ECSIT: variants seen among roughly 807,000 people sequenced by gnomAD.
ECSIT encodes ECSIT signaling integrator.
Under a neutral mutation model 36.8 loss-of-function variants are expected in ECSIT, and 29 were observed. That is an observed-to-expected ratio of 0.79 (90% confidence interval 0.59 to 1.08). The LOEUF is 1.08. Ranked by LOEUF, ECSIT falls within the 50% of genes least tolerant of loss-of-function variation. ECSIT has a pLI of 0.00. For missense variants in ECSIT, 542 were observed against 581.0 expected, an observed-to-expected ratio of 0.93 and a Z score of 0.69; for synonymous variants, 231 against 234.8, an observed-to-expected ratio of 0.98 and a Z score of 0.15.
chr19:11,515,689 A>G (rs1971984904), intron 2 of ECSIT, among the ~76,000 whole-genome samples: 1 of 151,906 alleles, frequency 6.6e-6, no homozygotes, highest in Non-Finnish European at 1.5e-5. Flanking sequence ...GCTGGAGTGC[A>G]GTCACACGAT....
intron 2 of ECSIT, among the ~76,000 whole-genome samples, chr19:11,514,546 G>A (rs1366876828): frequency 3.3e-5 from 5 of 150,124 alleles, no homozygotes; most frequent in South Asian, 2.1e-4. Context: ...TTTTTGAGAC[G>A]GGGTCTGGCT....
chr19:11,513,340 G>T, intron 3 of ECSIT, 61 bp from the exon 4 acceptor site: 1 of 1,389,106 alleles, frequency 7.2e-7, no homozygotes, highest in South Asian at 1.2e-5. Context: ...AAGGGAAGAG[G>T]AGAAAAGAAA....
intron 1 of ECSIT, chr19:11,523,608 G>T: frequency 1.1e-6 from 1 of 927,148 alleles, no homozygotes. Flanking sequence ...ACTGTGATAA[G>T]CCTATGTATG....
chr19:11,519,308 A>G lies in ECSIT; in HGVS notation c.-23-115T>C, dbSNP rs1972056932. 5 of 728,160 alleles carry G rather than the reference A, an allele frequency of 6.9e-6. No homozygotes were observed. Among genetic ancestry groups the G allele is most frequent in the East Asian group, 2.7e-5 (1 of 37,274 alleles). 45.1% of individuals were successfully genotyped at this position (728,160 alleles called of 1,614,324 possible). A position where few individuals can be genotyped will look rare whatever the true frequency, so the allele number is the denominator to read the frequency against. ...TTATGTGGCTCACTCACCAGCCCCA[A>G]TGTTTACCTTACCCAAGAAACAGGC... On this transcript the variant is annotated intron_variant, in intron 1 of 7. Coordinates refer to ENST00000270517, the MANE Select transcript of ECSIT (RefSeq NM_016581.5). This position sits in a 1 kb window ranked among gnomAD's most constrained non-coding sequence, Gnocchi z 4.4.
At chr19:11,514,659 C>T (rs1423269060) in intron 2 of ECSIT, among the ~76,000 whole-genome samples, 1 of 151,876 alleles carries the variant, frequency 6.6e-6, no homozygotes, top group African/African-American at 2.4e-5. Flanking sequence ...GCAGCTGGAA[C>T]TACCGGTGTA....
chr19:11,513,855 G>A lies in ECSIT; in HGVS notation c.463C>T (p.Pro155Ser), dbSNP rs752306023. The A allele has an allele frequency of 1.2e-6, 2 of 1,614,134 alleles. No individual in the cohort carries two copies. The highest frequency in any genetic ancestry group is 3.3e-5 in the Admixed American group (2 of 59,998). The change falls in exon 3 of 8, where the codon CCT becomes TCT. Residue 155 changes from proline (P) to serine (S), a missense_variant. Coordinates refer to ENST00000270517, the MANE Select transcript of ECSIT (RefSeq NM_016581.5). ...NIIQRIFVHY[P>S]RQQECGIAVL... is the part of the protein sequence containing the mutation. The stretch of plus-strand genomic sequence containing the variant: ...GCAATCCCACACTCCTGCTGCCGAG[G>A]GTAGTGGACGAAGATGCGCTGGATG...
intron 1 of ECSIT, chr19:11,522,024 T>G (rs1303061269): frequency 7.3e-6 from 2 of 274,580 alleles, no homozygotes; most frequent in African/African-American, 4.6e-5. Flanking sequence ...GCCTGCTCAC[T>G]CCCAAATGCC....
intron 1 of ECSIT, chr19:11,523,939 G>C: frequency 2.7e-6 from 1 of 363,714 alleles, no homozygotes; most frequent in Non-Finnish European, 5.3e-6. Context: ...TTTTTGTTTT[G>C]AGACAGGATC....
At position 11,514,163 on chromosome 19, in the gene ECSIT, T is replaced by C. The variant is rs768259181; in HGVS notation, c.155A>G (p.Gln52Arg). ...TTCCGGTGGGCTGGGAACCAGGGAC[T>C]GTTCAGAGCTATGGGCAGCTGCGCT... ...HCSAAAHSSE[Q>R]SLVPSPPEPR... Residue 52 changes from glutamine (Q) to arginine (R), a missense_variant, in exon 3 of 8, where the codon CAG becomes CGG. Transcript: ENST00000270517. 3.1e-6 allele frequency: 5 copies of C among 1,612,046 alleles called. No homozygotes were observed. The highest frequency in any genetic ancestry group is 3.4e-6 in the Non-Finnish European group (4 of 1,178,672).
In ECSIT at chr19:11,514,402, C is replaced by T. The variant is rs573862238; in HGVS notation, c.97-181G>A. Among the ~76,000 whole-genome samples, 4 of 152,166 alleles carry T rather than the reference C, an allele frequency of 2.6e-5. No individual in the cohort carries two copies. In the South Asian group the frequency reaches 6.2e-4, roughly 24 times the overall value. On this transcript the variant is annotated intron_variant, in intron 2 of 7. Coordinates refer to ENST00000270517, the MANE Select transcript of ECSIT (RefSeq NM_016581.5). ...AGTGCGATAAAACACAATGCTGGCA[C>T]AGTAGGGAGGAAACAGGCACTGTTA...
Position 11,527,305 on chromosome 19 carries a change from G to A in ECSIT, c.-24+1757C>T, listed in dbSNP as rs116542208. On this transcript the variant is annotated intron_variant, in intron 1 of 7. Coordinates refer to ENST00000270517, the MANE Select transcript of ECSIT (RefSeq NM_016581.5). ...CCACTGCACCCCAGTCTGGGCGACA[G>A]AGCGAGATTCCATCGCTAAATAAAT... Among the ~76,000 whole-genome samples the A allele has an allele frequency of 9.4e-3, 1,428 of 152,280 alleles. 26 individuals carry two copies. The highest frequency in any genetic ancestry group is 0.071 in the East Asian group (368 of 5,166).
At chr19:11,520,756 C>T (rs1972086336) in intron 1 of ECSIT, among the ~76,000 whole-genome samples, 1 of 151,594 alleles carries the variant, frequency 6.6e-6, no homozygotes, top group African/African-American at 2.4e-5. Flanking sequence ...TGTGATCCGT[C>T]CGCCTCAGCC....
In ECSIT at chr19:11,507,489, C is replaced by T. The variant is rs1056150695; in HGVS notation, c.1019G>A (p.Gly340Asp). ...GATGTCAAACTCGTAGTTGTCCCAGCCACTCCTCACATACTCCAGGTCCAG... is the reference window on the plus strand; with the variant it reads ...GATGTCAAACTCGTAGTTGTCCCAGTCACTCCTCACATACTCCAGGTCCAG... ...MQLDLEYVRS[G>D]WDNYEFDINE... The change falls in exon 7 of 8, where the codon GGC (glycine) becomes GAC (aspartate). Residue 340 changes from glycine (G) to aspartate (D), a missense_variant. Transcript: ENST00000270517. 1 of 1,614,054 alleles carries T rather than the reference C, an allele frequency of 6.2e-7. No individual in the cohort carries two copies.
At position 11,519,690 on chromosome 19, in the gene ECSIT, A is replaced by C. The variant is rs1270518078; in HGVS notation, c.-23-497T>G. On this transcript the variant is annotated intron_variant, in intron 1 of 7. Coordinates refer to ENST00000270517, the MANE Select transcript of ECSIT (RefSeq NM_016581.5). This position sits in a 1 kb window ranked among gnomAD's most constrained non-coding sequence, Gnocchi z 4.4. ...CCAACAAGAATCCCTGTACCTGGCC[A>C]GGCGCGGTGGCTCACGCCTGTAATC... is the stretch of plus-strand genomic sequence containing the variant. 6.6e-6 allele frequency among the ~76,000 whole-genome samples: 1 copy of C among 152,116 alleles called. No individual in the cohort carries two copies. Among genetic ancestry groups the C allele is most frequent in the East Asian group, 1.9e-4 (1 of 5,184 alleles).
At chr19:11,510,819 G>A (rs1971855601) in intron 4 of ECSIT, among the ~76,000 whole-genome samples, 1 of 151,344 alleles carries the variant, frequency 6.6e-6, no homozygotes, top group South Asian at 2.1e-4. Flanking sequence ...CACGACCCTG[G>A]TCCCCTAGCC....
chr19:11,523,345 T>G, intron 1 of ECSIT: 1 of 348,948 alleles, frequency 2.9e-6, no homozygotes, highest in Non-Finnish European at 5.1e-6. Context: ...TTAAAAAATA[T>G]GTTAATCACC....
At chr19:11,521,908 A>G (rs1972112104) in intron 1 of ECSIT, 1 of 167,070 alleles carries the variant, frequency 6.0e-6, no homozygotes, top group South Asian at 1.5e-4. Flanking sequence ...CATCTCTACT[A>G]AAAATACAAA....
intron 4 of ECSIT, among the ~76,000 whole-genome samples, chr19:11,511,656 A>G (rs1032199756): frequency 6.6e-6 from 1 of 152,110 alleles, no homozygotes; most frequent in South Asian, 2.1e-4. Flanking sequence ...CTACAATGCA[A>G]TAGGATTAAG....
chr19:11,522,333 T>C (rs1972122459), intron 1 of ECSIT: 1 of 734,566 alleles, frequency 1.4e-6, no homozygotes, highest in African/African-American at 1.7e-5. Context: ...CCTGGACCCA[T>C]TCCATCCAGA....
Sources: allele counts gnomAD v4.1 joint callset (sites outside exome capture counted in the v4.1 genomes callset), GRCh38; gene constraint gnomAD v4.1.1; non-coding constraint Gnocchi (gnomAD v3.1); transcripts MANE v1.5; gene names NCBI Gene and HGNC (gene_info 2026-07-23, HGNC 2026-07-21).